Variants in RBMS3 observed in about 807,000 individuals in gnomAD.
RBMS3 encodes RNA-binding motif, single-stranded-interacting protein 3.
In RBMS3, 27 loss-of-function variants were observed where a neutral mutation model predicts 66.8. That is an observed-to-expected ratio of 0.40 (90% CI 0.30 to 0.56). RBMS3 has a LOEUF of 0.56. Ranked by LOEUF, RBMS3 falls within the 20% of genes least tolerant of loss-of-function variation. RBMS3 has a pLI of 0.40. For missense variants in RBMS3, 513 were observed against 549.5 expected (o/e 0.93, Z 0.66); for synonymous variants, 188 against 183.0 (o/e 1.03, Z -0.22).
chr3:29,970,667 T>A (rs1009544298), intron 12 of RBMS3, among the ~76,000 whole-genome samples: 1 of 152,184 alleles, frequency 6.6e-6, no homozygotes, highest in Non-Finnish European at 1.5e-5. Flanking sequence ...CCTTTAGAAG[T>A]CCAAAGCTTT....
chr3:29,545,800 T>C (rs563168948), intron 3 of RBMS3, among the ~76,000 whole-genome samples: 2 of 152,336 alleles, frequency 1.3e-5, no homozygotes, highest in African/African-American at 4.8e-5. Flanking sequence ...CACAAGTTTG[T>C]TCATCCAACA....
intron 6 of RBMS3, among the ~76,000 whole-genome samples, chr3:29,860,139 A>AT: frequency 6.6e-6 from 1 of 152,270 alleles, no homozygotes; most frequent in Admixed American, 6.5e-5. Flanking sequence ...TTCCATAAAT[A>AT]TTTTTTGTTC....
chr3:29,902,550 T>A (rs1177573568), intron 10 of RBMS3, among the ~76,000 whole-genome samples: 1 of 150,924 alleles, frequency 6.6e-6, no homozygotes, highest in African/African-American at 2.4e-5. Context: ...CACCTAAAAC[T>A]TAAAAAAAAA....
At chr3:29,952,579 A>AT (rs568267751) in intron 12 of RBMS3, among the ~76,000 whole-genome samples, 40 of 151,562 alleles carry the variant, frequency 2.6e-4, no homozygotes, top group East Asian at 1.8e-3. Context: ...CTATATACAC[A>AT]TTTTTTTTAC....
chr3:29,306,934 C>A (rs970854310), intron 1 of RBMS3, among the ~76,000 whole-genome samples: 1 of 151,842 alleles, frequency 6.6e-6, no homozygotes, highest in African/African-American at 2.4e-5. Flanking sequence ...TTTGTGGACC[C>A]CATAGCACAT....
chr3:29,334,590 CACTA>C (rs1377399757), intron 1 of RBMS3, among the ~76,000 whole-genome samples: 2 of 152,042 alleles, frequency 1.3e-5, no homozygotes, highest in Non-Finnish European at 2.9e-5. Flanking sequence ...AAGTCTGACA[CACTA>C]AATATGGACT....
chr3:29,747,432 A>AGATAGAT (rs2054967927), intron 5 of RBMS3, among the ~76,000 whole-genome samples: 1 of 147,270 alleles, frequency 6.8e-6, no homozygotes, highest in African/African-American at 2.6e-5. Context: ...ATAGATAGAT[A>AGATAGAT]GATAGATAGA....
intron 3 of RBMS3, among the ~76,000 whole-genome samples, chr3:29,539,055 A>G (rs534605952): frequency 1.3e-5 from 2 of 152,322 alleles, no homozygotes; most frequent in East Asian, 1.9e-4. Context: ...ATATACAAAG[A>G]ATGAATATAA....
At chr3:29,929,729 A>T (rs539551564) in intron 10 of RBMS3, among the ~76,000 whole-genome samples, 8 of 152,296 alleles carry the variant, frequency 5.3e-5, no homozygotes, top group African/African-American at 1.9e-4. Flanking sequence ...ATGTACATGT[A>T]CATATCTCTT....
chr3:29,719,661 CATCTTCTATGATAATCA>C (rs1320208959), intron 4 of RBMS3, among the ~76,000 whole-genome samples: 1 of 152,058 alleles, frequency 6.6e-6, no homozygotes, highest in Non-Finnish European at 1.5e-5. Context: ...TTTGGCCCTC[CATCTTCTATGATAATCA>C]ATAGTAGCTG....
At chr3:29,816,583 G>A (rs906349140) in intron 6 of RBMS3, among the ~76,000 whole-genome samples, 11 of 152,176 alleles carry the variant, frequency 7.2e-5, no homozygotes, top group Non-Finnish European at 1.5e-4. Flanking sequence ...GTTCAATGCA[G>A]CCAAGCCCAG....
Position 29,762,763 on chromosome 3 carries a change from T to C in RBMS3, c.558-147T>C, listed in dbSNP as rs75670194. ...TGAGTTTGTGATGTTCTCTTATCAATCTGGTCATCATGTTCATGAAAAAAG... is the reference window on the plus strand; with the variant it reads ...TGAGTTTGTGATGTTCTCTTATCAACCTGGTCATCATGTTCATGAAAAAAG... On this transcript the variant is annotated intron_variant, in intron 5 of 14. Coordinates refer to ENST00000383767, the MANE Select transcript of RBMS3 (RefSeq NM_001003793.3). 3.6e-3 allele frequency: 2,316 copies of C among 641,218 alleles called. 48 individuals are homozygous for C. The highest frequency in any genetic ancestry group is 0.031 in the Admixed American group (1,030 of 33,510). The allele number at this position is 641,218 out of a possible 1,614,324, so 39.7% of individuals were successfully genotyped here. A position where few individuals can be genotyped will look rare whatever the true frequency, so the allele number is the denominator to read the frequency against.
At chr3:29,451,315 G>T (rs1178872942) in intron 2 of RBMS3, among the ~76,000 whole-genome samples, 1 of 152,098 alleles carries the variant, frequency 6.6e-6, no homozygotes, top group African/African-American at 2.4e-5. Flanking sequence ...AAGGGTGTAG[G>T]TGATGGTGAA....
At chr3:29,459,141 C>T (rs2042288806) in intron 2 of RBMS3, among the ~76,000 whole-genome samples, 1 of 152,076 alleles carries the variant, frequency 6.6e-6, no homozygotes, top group South Asian at 2.1e-4. Context: ...TTATTACCAC[C>T]CTATTATGTG....
chr3:29,736,606 T>G (rs1373698173), intron 4 of RBMS3, among the ~76,000 whole-genome samples: 1 of 152,182 alleles, frequency 6.6e-6, no homozygotes, highest in Non-Finnish European at 1.5e-5. Flanking sequence ...AGGACTGTCA[T>G]GTGCTGTGGC....
chr3:29,936,950 A>G (rs1328732324), intron 11 of RBMS3, among the ~76,000 whole-genome samples: 1 of 152,110 alleles, frequency 6.6e-6, no homozygotes, highest in Non-Finnish European at 1.5e-5. Context: ...AGTTGCCATT[A>G]CAGAGAACAA....
intron 1 of RBMS3, among the ~76,000 whole-genome samples, chr3:29,325,473 A>G (rs73828603): frequency 0.13 from 20,297 of 151,844 alleles, 1,437 homozygotes; most frequent in Middle Eastern, 0.16. Flanking sequence ...TGTAAGATTC[A>G]GTTGAAAGAA....
At chr3:29,523,422 C>G (rs958842611) in intron 3 of RBMS3, among the ~76,000 whole-genome samples, 2 of 152,048 alleles carry the variant, frequency 1.3e-5, no homozygotes, top group African/African-American at 4.8e-5. Context: ...AATCCTACCT[C>G]CCAGTCTGAC....
At chr3:29,987,053 T>A (rs1191396469) in intron 12 of RBMS3, among the ~76,000 whole-genome samples, 1 of 152,206 alleles carries the variant, frequency 6.6e-6, no homozygotes, top group Non-Finnish European at 1.5e-5. Flanking sequence ...TATACTAAGA[T>A]ACACAAAACA....
Sources: allele counts gnomAD v4.1 joint callset (sites outside exome capture counted in the v4.1 genomes callset), GRCh38; gene constraint gnomAD v4.1.1; transcripts MANE v1.5; gene names NCBI Gene and HGNC (gene_info 2026-07-23, HGNC 2026-07-21).